CDAN1: variants seen among roughly 807,000 people sequenced by gnomAD.
CDAN1 encodes codanin-1.
Under a neutral mutation model 139.8 loss-of-function variants are expected in CDAN1, and 107 were observed. The ratio of observed to expected loss-of-function variants is 0.77; its 90% confidence interval spans 0.65 to 0.90. The LOEUF (loss-of-function observed/expected upper bound fraction) is 0.90, where lower values mean the gene tolerates loss of function less well. Among genes scored for constraint, CDAN1 ranks in the 40% least tolerant of loss-of-function variants. The probability of loss-of-function intolerance (pLI) is 0.00; values close to 1 mark genes in which losing one functional copy is unlikely to be tolerated. For missense variants in CDAN1, 1,667 were observed against 1,575.7 expected, an observed-to-expected ratio of 1.06 and a Z score of -0.98; for synonymous variants, 776 against 660.6, an observed-to-expected ratio of 1.17 and a Z score of -2.68.
rs1670045467 is a variant in CDAN1, at chr15:42,736,403, A to T, written c.468T>A (p.Ser156=). ...PGAGGRRLRG[S]GSPSRPSLTL... ...TGAGGCTGGGGCGGCTGGGGCTGCC[A>T]GAGCCCCTAAGCCTCCGGCCCCCGG... The change falls in exon 2 of 28, where the codon TCT becomes TCA. Residue 156 remains serine, a synonymous_variant. Coordinates refer to ENST00000356231, the MANE Select transcript of CDAN1 (RefSeq NM_138477.4). 1 of 1,611,186 alleles carries T rather than the reference A, an allele frequency of 6.2e-7. No individual in the cohort carries two copies.
intron 3 of CDAN1, 56 bp from the exon 4 acceptor site, chr15:42,735,735 A>C: frequency 6.3e-7 from 1 of 1,596,530 alleles, no homozygotes; most frequent in Non-Finnish European, 8.6e-7. Flanking sequence ...CTACGGCCAC[A>C]CTCAGGTCAC....
chr15:42,734,335 T>C lies in CDAN1; in HGVS notation c.1148A>G (p.Asn383Ser), dbSNP rs956626009. The change falls in exon 7 of 28, where the codon AAC becomes AGC. Residue 383 changes from asparagine (N) to serine (S), a missense_variant. Physicochemically the swap from Asn to Ser is conservative, Grantham distance 46 (BLOSUM62 1). This residue lies in a region of CDAN1 where 244 missense variants were observed against 309.4 expected (regional missense o/e 0.79). Transcript: ENST00000356231. ...VLECHFQVLS[N>S]LDKGTLKLLA... ...CAGCTTCAAGGTCCCTTTGTCCAGG[T>C]TGGAAAGAACCCTGCAGGGACAAGA... is the stretch of plus-strand genomic sequence containing the variant. 30 of 1,613,974 alleles carry C rather than the reference T, an allele frequency of 1.9e-5. No individual in the cohort carries two copies. The highest frequency in any genetic ancestry group is 2.2e-5 in the Non-Finnish European group (26 of 1,179,992).
At position 42,734,036 on chromosome 15, in the gene CDAN1, C is replaced by G; in HGVS notation, c.1269G>C (p.Val423=). Residue 423 remains valine, a synonymous_variant, in exon 8 of 28, where the codon GTG becomes GTC. Transcript: ENST00000356231. ...YEGSVAKVSL[V]MPPSTQAVSF... ...AGACAGCTTGAGTAGAGGGAGGCAT[C>G]ACCAGAGAGACCTAAAATACAGCAG... 3 of 1,613,654 alleles carry G rather than the reference C, an allele frequency of 1.9e-6. No homozygotes were observed. The highest frequency in any genetic ancestry group is 2.5e-6 in the Non-Finnish European group (3 of 1,179,538).
At chr15:42,735,022 C>G in intron 6 of CDAN1, 78 bp downstream of exon 6, 1 of 969,804 alleles carries the variant, frequency 1.0e-6, no homozygotes. Context: ...TGTTAAGCAC[C>G]AGCATATATC....
Position 42,724,455 on chromosome 15 carries a change from C to T in CDAN1, c.*36G>A. On this transcript the variant is annotated 3_prime_UTR_variant, in exon 28 of 28. Transcript: ENST00000356231. ...CCTCGTGAGGCGGGGGTCCAGGGTT[C>T]TGGTGCAATGCCCAAGGCAGGGCCA... 6.4e-7 allele frequency: 1 copy of T among 1,567,006 alleles called. No individual in the cohort carries two copies.
At chr15:42,734,529 C>T (rs563840993) in intron 6 of CDAN1, among the ~76,000 whole-genome samples, 183 bp from the exon 7 acceptor site, 2 of 152,310 alleles carry the variant, frequency 1.3e-5, no homozygotes, top group Admixed American at 1.3e-4. Flanking sequence ...TGAGACTTTA[C>T]AGAGCAAGGA....
Position 42,728,203 on chromosome 15 carries a change from C to CGGCT in CDAN1, c.2865_2868dup (p.Val957SerfsTer48). On this transcript the variant is annotated frameshift_variant and splice_region_variant. Coordinates refer to ENST00000356231, the MANE Select transcript of CDAN1 (RefSeq NM_138477.4). LOFTEE classifies it high-confidence loss of function. ...TAGCTGCAGGCCTCCCTCACACGTA[C>CGGCT]GGCTGCCGGGGTCTCCTCTGGAAGC... is the stretch of plus-strand genomic sequence containing the variant. 1 of 1,613,436 alleles carries CGGCT rather than the reference C, an allele frequency of 6.2e-7. No homozygotes were observed. The highest frequency in any genetic ancestry group is 8.5e-7 in the Non-Finnish European group (1 of 1,179,912).
intron 23 of CDAN1, 42 bp downstream of exon 23, chr15:42,727,579 G>T (rs999212388): frequency 1.1e-5 from 17 of 1,488,880 alleles, no homozygotes; most frequent in Non-Finnish European, 1.5e-5. Flanking sequence ...AGAGCAGGGG[G>T]GTGGGAGCAG....
intron 20 of CDAN1, 144 bp downstream of exon 20, chr15:42,728,508 G>T: frequency 8.0e-7 from 1 of 1,247,370 alleles, no homozygotes. Context: ...TACAGCCAGT[G>T]CAGGGCTTAT....
chr15:42,729,087 A>C lies in CDAN1; in HGVS notation c.2581T>G (p.Ser861Ala), dbSNP rs762131588. The change falls in exon 19 of 28, where the codon TCC becomes GCC. Residue 861 changes from serine (S) to alanine (A), a missense_variant. Ser to Ala is a moderately conservative substitution (Grantham distance 99). This residue lies in a region of CDAN1 where 936 missense variants were observed against 844.1 expected (regional missense o/e 1.11). Transcript: ENST00000356231. ...ACGAACTCTACGGTCCGGCGCAAGG[A>C]GGGCGGCTGGTTGTGGAAAAAGGCC... ...AQAFFHNQPP[S>A]LRRTVEFVAE... The C allele has an allele frequency of 1.2e-6, 2 of 1,614,208 alleles. No homozygotes were observed. Among genetic ancestry groups the C allele is most frequent in the Non-Finnish European group, 1.7e-6 (2 of 1,180,028 alleles).
chr15:42,736,404 G>A lies in CDAN1; in HGVS notation c.467C>T (p.Ser156Phe), dbSNP rs2061688471. 5.6e-6 allele frequency: 9 copies of A among 1,611,326 alleles called. No individual in the cohort carries two copies. Among genetic ancestry groups the A allele is most frequent in the Non-Finnish European group, 7.6e-6 (9 of 1,179,164 alleles). ...GAGGCTGGGGCGGCTGGGGCTGCCA[G>A]AGCCCCTAAGCCTCCGGCCCCCGGC... ...PGAGGRRLRG[S>F]GSPSRPSLTL... Residue 156 changes from serine to phenylalanine, a missense_variant, in exon 2 of 28, where the codon TCT becomes TTT. Ser to Phe is a radical substitution (Grantham distance 155). This residue lies in a region of CDAN1 where 487 missense variants were observed against 422.2 expected (regional missense o/e 1.15). Coordinates refer to ENST00000356231, the MANE Select transcript of CDAN1 (RefSeq NM_138477.4).
chr15:42,731,344 G>C lies in CDAN1; in HGVS notation c.1740-13C>G, dbSNP rs774218948. ...GTTAAACTGGAAGCTGAGAAGAAGG[G>C]GTGGGTGGGGCATAAGCACTGGAAG... On this transcript the variant is annotated splice_polypyrimidine_tract_variant and intron_variant, in intron 11 of 27. Coordinates refer to ENST00000356231, the MANE Select transcript of CDAN1 (RefSeq NM_138477.4). 1.2e-6 allele frequency: 2 copies of C among 1,613,214 alleles called. No homozygotes were observed. The highest frequency in any genetic ancestry group is 2.2e-5 in the South Asian group (2 of 91,092).
At chr15:42,729,728 C>T (rs2061583554) in intron 16 of CDAN1, 68 bp downstream of exon 16, 2 of 1,587,286 alleles carry the variant, frequency 1.3e-6, no homozygotes, top group Admixed American at 3.4e-5. Flanking sequence ...CCTGGCTGGG[C>T]CTCCCCAGGC....
At chr15:42,730,096 C>T (rs2061588829) in intron 15 of CDAN1, 32 bp downstream of exon 15, 1 of 1,592,510 alleles carries the variant, frequency 6.3e-7, no homozygotes, top group Non-Finnish European at 8.6e-7. Flanking sequence ...GCTGTAGAAC[C>T]TCTCTCCAAT....
In CDAN1 at chr15:42,725,745, C is replaced by T. The variant is rs1306689093; in HGVS notation, c.3269-75G>A. The T allele has an allele frequency of 1.1e-5, 17 of 1,483,972 alleles. 1 individual carries two copies. The highest frequency in any genetic ancestry group is 1.8e-5 in the Admixed American group (1 of 55,940). 91.9% of individuals were successfully genotyped at this position (1,483,972 alleles called of 1,614,324 possible). ...CGGTGACTCACACCTATAATCCCAA[C>T]ACTTCGGGAGGCTGAGGTGGGCAGA... is the stretch of plus-strand genomic sequence containing the variant. On this transcript the variant is annotated intron_variant, in intron 25 of 27. Transcript: ENST00000356231.
intron 7 of CDAN1, 41 bp downstream of exon 7, chr15:42,734,185 G>A (rs746060851): frequency 1.9e-6 from 3 of 1,613,982 alleles, no homozygotes; most frequent in Non-Finnish European, 2.5e-6. Flanking sequence ...GCTAGGAAGG[G>A]TTAGGTCCAG....
In CDAN1 at chr15:42,728,788, C is replaced by T. The variant is rs921227010; in HGVS notation, c.2668G>A (p.Val890Met). ...TGGAGAAGTGACTCTGCCTGGCGCA[C>T]CAGATCTGCCACCAGTGTAGCCCTG... ...HIKATLVADL[V>M]RQAESLLQEQ... Residue 890 changes from valine to methionine, a missense_variant, in exon 20 of 28, where the codon GTG becomes ATG. This residue lies in a region of CDAN1 where 936 missense variants were observed against 844.1 expected (regional missense o/e 1.11). Coordinates refer to ENST00000356231, the MANE Select transcript of CDAN1 (RefSeq NM_138477.4). 6.2e-7 allele frequency: 1 copy of T among 1,614,168 alleles called. No homozygotes were observed. Among genetic ancestry groups the T allele is most frequent in the Non-Finnish European group, 8.5e-7 (1 of 1,180,026 alleles).
Position 42,726,314 on chromosome 15 carries a change from C to A in CDAN1, c.3200G>T (p.Arg1067Leu), listed in dbSNP as rs146049960. 1 of 1,587,668 alleles carries A rather than the reference C, an allele frequency of 6.3e-7. No individual in the cohort carries two copies. The highest frequency in any genetic ancestry group is 2.3e-5 in the East Asian group (1 of 43,646). Residue 1067 changes from arginine (R) to leucine (L), a missense_variant, in exon 24 of 28, where the codon CGC becomes CTC. Physicochemically the swap from Arg to Leu is moderately radical, Grantham distance 102. Around this residue, in one of 3 missense-constraint regions of CDAN1, gnomAD observed 936 missense variants for 844.1 expected, o/e 1.11. Transcript: ENST00000356231. Reference sequence around the variant, plus strand: ...GTGGCAGATGCCACAGCTCACCTGGCGGCACCGCAGCGTCTGGCCCAGCTG... The same window carrying A: ...GTGGCAGATGCCACAGCTCACCTGGAGGCACCGCAGCGTCTGGCCCAGCTG... ...LGQLGQTLRC[R>L]QFLCPPAEQH...
rs758478579 is a variant in CDAN1, at chr15:42,728,800, C to T, written c.2656G>A (p.Val886Met). The change falls in exon 20 of 28, where the codon GTG becomes ATG. Residue 886 changes from valine (V) to methionine (M), a missense_variant. This residue lies in a region of CDAN1 where 936 missense variants were observed against 844.1 expected (regional missense o/e 1.11). Transcript: ENST00000356231. ...TCTGCCTGGCGCACCAGATCTGCCA[C>T]CAGTGTAGCCCTGCAGCAGGGACAG... is the stretch of plus-strand genomic sequence containing the variant. ...NCVKHIKATL[V>M]ADLVRQAESL... The T allele has an allele frequency of 1.2e-6, 2 of 1,614,178 alleles. No individual in the cohort carries two copies. The highest frequency in any genetic ancestry group is 2.2e-5 in the South Asian group (2 of 91,086).
Sources: gnomAD v4.1 joint callset for allele counts (sites outside exome capture counted in the v4.1 genomes callset) on GRCh38, gnomAD v4.1.1 for gene constraint, gnomAD v4.1.1 regional missense constraint, MANE v1.5 for transcripts, NCBI Gene and HGNC (gene_info 2026-07-23, HGNC 2026-07-21) for gene names.